The following SAMD12 variants were observed in gnomAD, a reference collection of about 807,000 sequenced individuals.
SAMD12 encodes the protein sterile alpha motif domain containing 12, also known as sterile alpha motif domain-containing protein 12.
Under a neutral mutation model 15.0 loss-of-function variants are expected in SAMD12, and 9 were observed. That is an observed-to-expected ratio of 0.60 (90% CI 0.36 to 1.05). The LOEUF is 1.05. Ranked by LOEUF, SAMD12 falls within the 50% of genes least tolerant of loss-of-function variation. The pLI is 0.01. For synonymous variants in SAMD12, 86 were observed against 90.1 expected, an observed-to-expected ratio of 0.96 and a Z score of 0.25; for missense variants, 230 against 234.2, an observed-to-expected ratio of 0.98 and a Z score of 0.12.
At chr8:118,335,149 C>T (rs559218584) in intron 4 of SAMD12, among the ~76,000 whole-genome samples, 171 of 152,274 alleles carry the variant, frequency 1.1e-3, no homozygotes, top group African/African-American at 4.0e-3. Flanking sequence ...GAAGGCACAG[C>T]CACCACTAAA....
chr8:118,391,129 A>G (rs949580587), intron 3 of SAMD12, among the ~76,000 whole-genome samples: 3 of 152,288 alleles, frequency 2.0e-5, no homozygotes, highest in Middle Eastern at 3.4e-3. Flanking sequence ...AATCCCATCC[A>G]AAAAATTAAT....
the SAMD12 span, among the ~76,000 whole-genome samples, chr8:118,151,469 T>A: frequency 6.6e-6 from 1 of 152,130 alleles, no homozygotes; most frequent in South Asian, 2.1e-4. Context: ...GAAGAAATTT[T>A]AAAAATAAAC....
chr8:118,238,245 T>C (rs1812479121), intron 4 of SAMD12, among the ~76,000 whole-genome samples: 1 of 152,070 alleles, frequency 6.6e-6, no homozygotes, highest in South Asian at 2.1e-4. Flanking sequence ...TTGGCATAAG[T>C]AAGGGATTAT....
chr8:118,555,056 G>C (rs1277907646), intron 2 of SAMD12, among the ~76,000 whole-genome samples: 1 of 152,148 alleles, frequency 6.6e-6, no homozygotes, highest in Non-Finnish European at 1.5e-5. Flanking sequence ...GACCAGTTAG[G>C]GGTTTGGAAA....
At chr8:118,468,155 A>T (rs1471888710) in intron 2 of SAMD12, among the ~76,000 whole-genome samples, 2 of 152,214 alleles carry the variant, frequency 1.3e-5, no homozygotes, top group Non-Finnish European at 1.5e-5. Flanking sequence ...AGAAGTATAT[A>T]TGCAGATACA....
chr8:118,414,058 C>T (rs979183958), intron 3 of SAMD12, among the ~76,000 whole-genome samples: 1 of 152,162 alleles, frequency 6.6e-6, no homozygotes. Context: ...AATGGCATAG[C>T]TGTATTTCCC....
the SAMD12 span, among the ~76,000 whole-genome samples, chr8:118,157,481 T>C: frequency 1.1e-4 from 17 of 152,272 alleles, no homozygotes; most frequent in East Asian, 3.1e-3. Flanking sequence ...GAAGCAAAAA[T>C]GGCAAAAGGT....
At chr8:118,528,809 G>A (rs904305096) in intron 2 of SAMD12, among the ~76,000 whole-genome samples, 3 of 152,094 alleles carry the variant, frequency 2.0e-5, no homozygotes, top group Non-Finnish European at 4.4e-5. Context: ...CCCTCCACTG[G>A]CCCCAGTCAC....
At position 118,620,970 on chromosome 8, in the gene SAMD12, T is replaced by C. The variant is rs985186002; in HGVS notation, c.13+834A>G. The C allele has an allele frequency of 1.3e-5, 2 of 152,186 alleles. 1 individual carries two copies. The highest frequency in any genetic ancestry group is 4.1e-4 in the South Asian group (2 of 4,826). 9.4% of individuals were successfully genotyped at this position (152,186 alleles called of 1,614,324 possible). A position where few individuals can be genotyped will look rare whatever the true frequency, so the allele number is the denominator to read the frequency against. ...CAAACCCTTCCGGTCCACAGTTTTT[T>C]TTTCTTCTTCAGAAACTACCTAAAC... On this transcript the variant is annotated intron_variant, in intron 1 of 3. Coordinates refer to ENST00000314727, the MANE Select transcript of SAMD12 (RefSeq NM_207506.3).
the SAMD12 span, among the ~76,000 whole-genome samples, chr8:118,170,305 G>A: frequency 1.3e-5 from 2 of 152,112 alleles, no homozygotes; most frequent in East Asian, 3.8e-4. Context: ...AGATATATTA[G>A]TTTAATATTT....
chr8:118,238,158 G>A (rs1812477304), intron 4 of SAMD12, among the ~76,000 whole-genome samples: 1 of 151,928 alleles, frequency 6.6e-6, no homozygotes, highest in African/African-American at 2.4e-5. Flanking sequence ...CTATAAAATG[G>A]GGGTAGTAAT....
chr8:118,531,665 A>AG (rs1341154460), intron 2 of SAMD12, among the ~76,000 whole-genome samples: 2 of 152,142 alleles, frequency 1.3e-5, no homozygotes, highest in Non-Finnish European at 2.9e-5. Flanking sequence ...TTGGATTCTT[A>AG]GGTATCTTAT....
intron 2 of SAMD12, among the ~76,000 whole-genome samples, chr8:118,443,533 A>G (rs759043523): frequency 1.3e-5 from 2 of 152,198 alleles, no homozygotes; most frequent in Non-Finnish European, 2.9e-5. Context: ...GTAAACAGAC[A>G]TAATAAGTAA....
At chr8:118,209,351 C>T (rs1819954530) in intron 4 of SAMD12, among the ~76,000 whole-genome samples, 1 of 152,192 alleles carries the variant, frequency 6.6e-6, no homozygotes, top group Admixed American at 6.5e-5. Flanking sequence ...AGGTTACAAT[C>T]TATATTGCAG....
At chr8:118,595,136 C>A (rs1827693092) in intron 1 of SAMD12, among the ~76,000 whole-genome samples, 1 of 152,190 alleles carries the variant, frequency 6.6e-6, no homozygotes, top group Non-Finnish European at 1.5e-5. Context: ...TACAGCCCAG[C>A]ACTGGTGGAT....
At chr8:118,340,271 C>T (rs1041583959) in intron 4 of SAMD12, among the ~76,000 whole-genome samples, 2 of 152,110 alleles carry the variant, frequency 1.3e-5, no homozygotes, top group African/African-American at 2.4e-5. Flanking sequence ...TGGGAGCTGC[C>T]TTTATATAGA....
chr8:118,322,007 G>T (rs28493856), intron 4 of SAMD12, among the ~76,000 whole-genome samples: 72,668 of 152,012 alleles, frequency 0.48, 19,412 homozygotes, highest in African/African-American at 0.74. Context: ...AAATTGTCTT[G>T]CAATCTGGAA....
At chr8:118,312,775 T>C (rs1815695294) in intron 4 of SAMD12, among the ~76,000 whole-genome samples, 1 of 152,172 alleles carries the variant, frequency 6.6e-6, no homozygotes, top group Non-Finnish European at 1.5e-5. Context: ...GAAAGGTTAA[T>C]AGTGAGTCCA....
intron 4 of SAMD12, among the ~76,000 whole-genome samples, chr8:118,211,495 C>A (rs1811825301): frequency 6.6e-6 from 1 of 152,234 alleles, no homozygotes. Flanking sequence ...TAAACGACAG[C>A]TTTCTTTTGC....
Sources: gnomAD v4.1 joint callset for allele counts (sites outside exome capture counted in the v4.1 genomes callset) on GRCh38, gnomAD v4.1.1 for gene constraint, MANE v1.5 for transcripts, NCBI Gene and HGNC (gene_info 2026-07-23, HGNC 2026-07-21) for gene names.